GRTP1: variants seen among roughly 807,000 people sequenced by gnomAD.
GRTP1 encodes growth hormone-regulated TBC protein 1.
Under a neutral mutation model 38.1 loss-of-function variants are expected in GRTP1, and 56 were observed. That is an observed-to-expected ratio of 1.47 (90% CI 1.19 to 1.84). GRTP1 has a LOEUF of 1.84. Among genes scored for constraint, GRTP1 ranks in the 40% most tolerant of loss-of-function variants. The pLI is 0.00. For synonymous variants in GRTP1, 217 were observed against 189.5 expected (o/e 1.14, Z -1.19); for missense variants, 506 against 453.9 (o/e 1.11, Z -1.04).
chr13:113,329,472 GCTACTCA>G (rs1289662299), intron 5 of GRTP1, among the ~76,000 whole-genome samples: 4 of 152,198 alleles, frequency 2.6e-5, no homozygotes, highest in Non-Finnish European at 5.9e-5. Flanking sequence ...CAGCTACTCA[GCTACTCA>G]GGAGGCTGAG....
intron 5 of GRTP1, among the ~76,000 whole-genome samples, chr13:113,332,898 G>T (rs1773185061): frequency 6.6e-6 from 1 of 152,224 alleles, no homozygotes; most frequent in African/African-American, 2.4e-5. Context: ...TGAGCTTCAA[G>T]AAGGATAAAA....
chr13:113,347,293 TGAGCGGATCTGGGAGGACCTCTGTGGCA>T (rs1566431755), intron 4 of GRTP1, among the ~76,000 whole-genome samples: 12 of 30,768 alleles, frequency 3.9e-4, no homozygotes, highest in South Asian at 2.1e-3. Flanking sequence ...CCTCTGTGGC[TGAGCGGATCTGGGAGGACCTCTGTGGCA>T]GAGAGCAGAC....
rs183859835 is a variant in GRTP1 at position 113,340,609 on chromosome 13, G to A, written c.562+4254C>T. ...AGCCTGGCCAACATGGTGAAACCCC[G>A]TCCTTACTACAAATACAAAAATTAG... On this transcript the variant is annotated intron_variant, in intron 5 of 7. Coordinates refer to ENST00000375431, the MANE Select transcript of GRTP1 (RefSeq NM_024719.4). 2.0e-4 allele frequency among the ~76,000 whole-genome samples: 31 copies of A among 152,170 alleles called. No individual in the cohort carries two copies. In the East Asian group the frequency reaches 5.8e-3, roughly 29 times the overall value.
chr13:113,345,198 C>T lies in GRTP1; in HGVS notation c.466-239G>A, dbSNP rs544011322. ...CAAAAGGAAACAGTTTAAAGAAATC[C>T]TGAATACTAAAATCAAAGACTCTTC... On this transcript the variant is annotated intron_variant, in intron 4 of 7. Transcript: ENST00000375431. Among the ~76,000 whole-genome samples, 99 of 152,308 alleles carry T rather than the reference C, an allele frequency of 6.5e-4. 1 individual carries two copies. Among genetic ancestry groups the T allele is most frequent in the Non-Finnish European group, 1.2e-3 (79 of 68,030 alleles).
intron 4 of GRTP1, 107 bp from the exon 5 acceptor site, chr13:113,345,066 C>T (rs2043081022): frequency 1.6e-6 from 2 of 1,245,196 alleles, no homozygotes; most frequent in Non-Finnish European, 1.1e-6. Flanking sequence ...TCTTGCTTCT[C>T]CTTAAAACCT....
At chr13:113,334,693 C>T (rs1339053903) in intron 5 of GRTP1, among the ~76,000 whole-genome samples, 3 of 152,158 alleles carry the variant, frequency 2.0e-5, no homozygotes, top group Non-Finnish European at 2.9e-5. Flanking sequence ...CCTCTGGCCT[C>T]GGGTTCACCA....
At chr13:113,350,769 G>T in intron 4 of GRTP1, 80 bp downstream of exon 4, 1 of 1,297,638 alleles carries the variant, frequency 7.7e-7, no homozygotes, top group Non-Finnish European at 1.0e-6. Context: ...GAGACGTGAG[G>T]CCGTCACTGC....
chr13:113,326,044 G>C lies in GRTP1; in HGVS notation c.610C>G (p.Leu204Val). 1.2e-6 allele frequency: 2 copies of C among 1,612,758 alleles called. No homozygotes were observed. The highest frequency in any genetic ancestry group is 1.7e-6 in the Non-Finnish European group (2 of 1,179,936). Residue 204 changes from leucine to valine, a missense_variant, in exon 6 of 8, where the codon CTC becomes GTC. Physicochemically the swap from Leu to Val is conservative, Grantham distance 32. Coordinates refer to ENST00000375431, the MANE Select transcript of GRTP1 (RefSeq NM_024719.4). ...MLGLKTDQEV[L>V]GELVRAKLPA... ...AGCTTCGCCCGCACCAGCTCCCCGA[G>C]GACCTCCTGGTCGGTCTTCAGGCCC...
intron 5 of GRTP1, among the ~76,000 whole-genome samples, chr13:113,327,391 G>T (rs1394757299): frequency 5.3e-5 from 8 of 152,206 alleles, no homozygotes. Context: ...TATTTGCCAG[G>T]CTGGTCTCGA....
chr13:113,338,689 G>A (rs945094094), intron 5 of GRTP1, among the ~76,000 whole-genome samples: 20 of 152,078 alleles, frequency 1.3e-4, no homozygotes, highest in Non-Finnish European at 2.6e-4. Flanking sequence ...ACTGCCCCAC[G>A]GCAGGGAGCT....
chr13:113,361,806 CAT>C (rs753806619), intron 2 of GRTP1: 3 of 152,184 alleles, frequency 2.0e-5, no homozygotes, highest in African/African-American at 2.4e-5. Context: ...TTTAAGTTCA[CAT>C]GTCTTATATA....
chr13:113,350,260 T>C (rs2043236981), intron 4 of GRTP1, among the ~76,000 whole-genome samples: 1 of 152,080 alleles, frequency 6.6e-6, no homozygotes, highest in Non-Finnish European at 1.5e-5. Flanking sequence ...GCCCTTAATA[T>C]GCGCCCAGCT....
At chr13:113,333,838 AGTG>A (rs1184920092) in intron 5 of GRTP1, among the ~76,000 whole-genome samples, 22 of 23,596 alleles carry the variant, frequency 9.3e-4, no homozygotes, top group South Asian at 3.0e-3. Flanking sequence ...TTATTTATTT[AGTG>A]TGTGTGTGTG....
chr13:113,333,838 AGTGTG>A (rs1287418250), intron 5 of GRTP1, among the ~76,000 whole-genome samples: 112 of 23,576 alleles, frequency 4.8e-3, no homozygotes, highest in African/African-American at 6.9e-3. Context: ...TTATTTATTT[AGTGTG>A]TGTGTGTGTG....
intron 5 of GRTP1, among the ~76,000 whole-genome samples, chr13:113,330,949 A>G (rs531989667): frequency 4.2e-5 from 5 of 119,178 alleles, no homozygotes; most frequent in African/African-American, 1.0e-4. Flanking sequence ...GTGCATGGAA[A>G]ACCAGGTGTG....
chr13:113,332,429 C>T (rs1316665642), intron 5 of GRTP1, among the ~76,000 whole-genome samples: 1 of 150,818 alleles, frequency 6.6e-6, no homozygotes, highest in Non-Finnish European at 1.5e-5. Flanking sequence ...GCACACCACA[C>T]AGGCACACAC....
intron 5 of GRTP1, among the ~76,000 whole-genome samples, chr13:113,335,044 G>A (rs574019387): frequency 6.6e-6 from 1 of 151,898 alleles, no homozygotes; most frequent in South Asian, 2.1e-4. Flanking sequence ...GGATGGTCTC[G>A]ATCTCCTGAC....
At chr13:113,350,803 C>T in intron 4 of GRTP1, 46 bp downstream of exon 4, 1 of 1,520,382 alleles carries the variant, frequency 6.6e-7, no homozygotes, top group Non-Finnish European at 8.9e-7. Context: ...GTGGACAGAC[C>T]TGTCCTCACA....
At chr13:113,359,445 C>T (rs1455848642) in intron 2 of GRTP1, among the ~76,000 whole-genome samples, 1 of 152,302 alleles carries the variant, frequency 6.6e-6, no homozygotes, top group East Asian at 1.9e-4. Context: ...ATTAGCTGGG[C>T]ATGGTGGTGC....
Sources: allele counts gnomAD v4.1 joint callset (sites outside exome capture counted in the v4.1 genomes callset), GRCh38; gene constraint gnomAD v4.1.1; transcripts MANE v1.5; gene names NCBI Gene and HGNC (gene_info 2026-07-23, HGNC 2026-07-21).